The following NEGR1 variants were observed in gnomAD, a reference collection of about 807,000 sequenced individuals.
The protein encoded by NEGR1 is neuronal growth regulator 1.
Under a neutral mutation model 40.9 loss-of-function variants are expected in NEGR1, and 10 were observed. The observed-to-expected ratio is 0.24, with a 90% CI of 0.15 to 0.42. NEGR1 has a LOEUF of 0.42. Ranked by LOEUF, NEGR1 falls within the 10% of genes least tolerant of loss-of-function variation. NEGR1 has a pLI of 1.00. For missense variants in NEGR1, 352 were observed against 438.9 expected (o/e 0.80, Z 1.77); for synonymous variants, 185 against 166.8 (o/e 1.11, Z -0.84).
chr1:71,666,287 A>G (rs937031573), intron 4 of NEGR1, among the ~76,000 whole-genome samples: 1 of 152,210 alleles, frequency 6.6e-6, no homozygotes, highest in African/African-American at 2.4e-5. Context: ...ACTCCTAACA[A>G]TAGTCATTTG....
At chr1:71,626,613 A>G (rs1557592186) in intron 4 of NEGR1, among the ~76,000 whole-genome samples, 1 of 152,074 alleles carries the variant, frequency 6.6e-6, no homozygotes, top group Non-Finnish European at 1.5e-5. Flanking sequence ...CACCAAAAGC[A>G]ATGGCAACAA....
chr1:71,600,838 G>T (rs562584318), intron 5 of NEGR1, among the ~76,000 whole-genome samples: 1 of 152,126 alleles, frequency 6.6e-6, no homozygotes, highest in Non-Finnish European at 1.5e-5. Flanking sequence ...CGATCATTAC[G>T]CATTTTAAAA....
chr1:72,119,328 C>CTCTAGAACACTAGTGTG (rs1553142106), intron 1 of NEGR1, among the ~76,000 whole-genome samples: 1 of 151,926 alleles, frequency 6.6e-6, no homozygotes, highest in Non-Finnish European at 1.5e-5. Context: ...ATTAGTGATG[C>CTCTAGAACACTAGTGTG]TTCCACTAGA....
chr1:71,980,726 T>C (rs574242827), intron 1 of NEGR1, among the ~76,000 whole-genome samples: 32 of 152,242 alleles, frequency 2.1e-4, no homozygotes, highest in South Asian at 2.1e-4. Context: ...TATGATCACA[T>C]ATTATCAGCG....
chr1:71,639,736 G>A (rs1651284897), intron 4 of NEGR1, among the ~76,000 whole-genome samples: 1 of 151,972 alleles, frequency 6.6e-6, no homozygotes, highest in Non-Finnish European at 1.5e-5. Context: ...GCCCAACATG[G>A]GCACATGTCA....
chr1:71,951,201 CT>C (rs1646067773), intron 1 of NEGR1, among the ~76,000 whole-genome samples: 1 of 151,850 alleles, frequency 6.6e-6, no homozygotes, highest in Non-Finnish European at 1.5e-5. Context: ...GCAAAGTATA[CT>C]TTTGATTTAG....
intron 2 of NEGR1, among the ~76,000 whole-genome samples, chr1:71,913,563 C>T (rs140101515): frequency 5.3e-4 from 80 of 152,202 alleles, no homozygotes; most frequent in African/African-American, 1.7e-3. Flanking sequence ...CTTAGCAATT[C>T]GATTTTGAAG....
intron 3 of NEGR1, among the ~76,000 whole-genome samples, chr1:71,749,988 CTTT>C (rs768011020): frequency 3.7e-5 from 5 of 136,606 alleles, no homozygotes; most frequent in Admixed American, 1.5e-4. Flanking sequence ...TTGCTCCTTT[CTTT>C]TTTTTTTTTT....
intron 1 of NEGR1, among the ~76,000 whole-genome samples, chr1:72,237,771 T>G (rs1013784981): frequency 6.6e-6 from 1 of 151,928 alleles, no homozygotes; most frequent in African/African-American, 2.4e-5. Context: ...CTGGGTGGTA[T>G]AGAAAAATTT....
At chr1:71,491,246 G>A (rs1368560672) in intron 6 of NEGR1, among the ~76,000 whole-genome samples, 1 of 152,012 alleles carries the variant, frequency 6.6e-6, no homozygotes, top group Non-Finnish European at 1.5e-5. Context: ...AATTTAAAGT[G>A]TACAAGAGGA....
intron 1 of NEGR1, among the ~76,000 whole-genome samples, chr1:72,091,416 T>C (rs114140365): frequency 0.034 from 4,214 of 124,604 alleles, 236 homozygotes; most frequent in African/African-American, 0.12. Flanking sequence ...CCCTTCCTTC[T>C]CTCCTTCCCT....
At chr1:71,926,726 A>C (rs1645777422) in intron 2 of NEGR1, among the ~76,000 whole-genome samples, 1 of 151,770 alleles carries the variant, frequency 6.6e-6, no homozygotes, top group Non-Finnish European at 1.5e-5. Context: ...AGAAAATATT[A>C]TCAACTTAGT....
intron 1 of NEGR1, among the ~76,000 whole-genome samples, chr1:71,993,993 A>T (rs2100364474): frequency 6.6e-6 from 1 of 152,286 alleles, no homozygotes; most frequent in Non-Finnish European, 1.5e-5. Context: ...AATGTTAATA[A>T]GTCTATAAGT....
intron 1 of NEGR1, among the ~76,000 whole-genome samples, chr1:72,082,505 A>G (rs1309770451): frequency 1.3e-5 from 2 of 152,144 alleles, no homozygotes; most frequent in Non-Finnish European, 2.9e-5. Context: ...TCTTAGAGAT[A>G]AAATAAGTTA....
intron 2 of NEGR1, among the ~76,000 whole-genome samples, chr1:71,821,208 A>G (rs1658417091): frequency 6.6e-6 from 1 of 151,990 alleles, no homozygotes; most frequent in South Asian, 2.1e-4. Flanking sequence ...CATCTGGATA[A>G]CCCACAGTAC....
chr1:71,434,951 C>G (rs1305703643), intron 6 of NEGR1, among the ~76,000 whole-genome samples: 1 of 152,062 alleles, frequency 6.6e-6, no homozygotes, highest in Admixed American at 6.5e-5. Flanking sequence ...ATTAGCCCGG[C>G]ATAGTGGCGG....
chr1:72,235,121 A>G (rs1210073778), intron 1 of NEGR1, among the ~76,000 whole-genome samples: 1 of 152,144 alleles, frequency 6.6e-6, no homozygotes, highest in African/African-American at 2.4e-5. Flanking sequence ...CTCTTGGCCT[A>G]AAACAACATG....
chr1:72,214,889 C>CA (rs1557582089), intron 1 of NEGR1, among the ~76,000 whole-genome samples: 2 of 150,928 alleles, frequency 1.3e-5, no homozygotes, highest in African/African-American at 2.4e-5. Flanking sequence ...CATATGGAAC[C>CA]AAAAAAGAGT....
intron 2 of NEGR1, among the ~76,000 whole-genome samples, chr1:71,871,824 A>C (rs1481407942): frequency 6.6e-6 from 1 of 152,140 alleles, no homozygotes; most frequent in Admixed American, 6.6e-5. Context: ...TTTCTATCAG[A>C]GCTCATTCAT....
Sources: gnomAD v4.1 joint callset for allele counts (sites outside exome capture counted in the v4.1 genomes callset) on GRCh38, gnomAD v4.1.1 for gene constraint, MANE v1.5 for transcripts, NCBI Gene and HGNC (gene_info 2026-07-23, HGNC 2026-07-21) for gene names.